DDIAS: variants seen among roughly 807,000 people sequenced by gnomAD.
The protein encoded by DDIAS is DNA damage-induced apoptosis suppressor protein.
Under a neutral mutation model 15.7 loss-of-function variants are expected in DDIAS, and 14 were observed. The observed-to-expected ratio is 0.89, with a 90% CI of 0.59 to 1.39. The LOEUF is 1.39. Among genes scored for constraint, DDIAS ranks in the 40% most tolerant of loss-of-function variants. The pLI, the probability that DDIAS is intolerant of heterozygous loss-of-function variation, is 0.00. For missense variants in DDIAS, 1,035 were observed against 1,130.9 expected, an observed-to-expected ratio of 0.92 and a Z score of 1.22; for synonymous variants, 355 against 395.9, an observed-to-expected ratio of 0.90 and a Z score of 1.23.
At position 82,932,377 on chromosome 11, in the gene DDIAS, C is replaced by T. The variant is rs1474343420; in HGVS notation, c.1039C>T (p.Pro347Ser). 3 of 1,613,934 alleles carry T rather than the reference C, an allele frequency of 1.9e-6. No homozygotes were observed. In the South Asian group the frequency reaches 3.3e-5, roughly 18 times the overall value. ...SNLFSLEMRE[P>S]LESSNTKSFH... ...TTTATTCTCTTTGGAAATGCGAGAGCCCCTTGAGTCAAGTAATACAAAATC... is the reference window on the plus strand; with the variant it reads ...TTTATTCTCTTTGGAAATGCGAGAGTCCCTTGAGTCAAGTAATACAAAATC... Residue 347 changes from proline to serine, a missense_variant, in exon 6 of 6, where the codon CCC (proline) becomes TCC (serine). Transcript: ENST00000533655.
chr11:82,921,432 T>TTTTTTGTTTTTGCTTTTTAAATTG (rs1369933298), intron 3 of DDIAS, among the ~76,000 whole-genome samples: 1 of 152,108 alleles, frequency 6.6e-6, no homozygotes, highest in African/African-American at 2.4e-5. Context: ...GTACCTTGTT[T>TTTTTTGTTTTTGCTTTTTAAATTG]TTTTTGTTTT....
chr11:82,919,319 T>A (rs1208774446), intron 3 of DDIAS, among the ~76,000 whole-genome samples: 3 of 152,234 alleles, frequency 2.0e-5, no homozygotes, highest in African/African-American at 7.2e-5. Flanking sequence ...ATGCTGGATT[T>A]TGTTGAATGT....
Position 82,932,055 on chromosome 11 carries a change from G to A in DDIAS, c.717G>A (p.Trp239Ter), listed in dbSNP as rs1860999981. 6.2e-7 allele frequency: 1 copy of A among 1,613,808 alleles called. No homozygotes were observed. The highest frequency in any genetic ancestry group is 8.5e-7 in the Non-Finnish European group (1 of 1,179,966). ...GCAAGGATACTTTTTCAAAATTCTG[G>A]CAGCCATCACTTGAATTCACTTGCA... ...SCSKDTFSKF[W>*]QPSLEFTCIV... The change falls in exon 6 of 6, where the codon TGG (tryptophan) becomes TGA (stop). Residue 239 changes from tryptophan (W) to a stop codon, truncating the protein, a stop_gained. Coordinates refer to ENST00000533655, the MANE Select transcript of DDIAS (RefSeq NM_145018.4). LOFTEE classifies it low-confidence loss of function (END_TRUNC).
rs1405965570 is a variant in DDIAS at position 82,932,402 on chromosome 11, C to T, written c.1064C>T (p.Ser355Phe). The T allele has an allele frequency of 1.2e-6, 2 of 1,613,992 alleles. No individual in the cohort carries two copies. The highest frequency in any genetic ancestry group is 2.7e-5 in the African/African-American group (2 of 74,920). ...CCCCTTGAGTCAAGTAATACAAAAT[C>T]CTTCCACAGTGCAGTGGAAATTAAA... ...REPLESSNTK[S>F]FHSAVEIKNR... is the part of the protein sequence containing the mutation. Residue 355 changes from serine to phenylalanine, a missense_variant, in exon 6 of 6, where the codon TCC (serine) becomes TTC (phenylalanine). Transcript: ENST00000533655.
At chr11:82,907,348 C>T (rs1191142415) in intron 1 of DDIAS, among the ~76,000 whole-genome samples, 1 of 152,000 alleles carries the variant, frequency 6.6e-6, no homozygotes, top group Admixed American at 6.6e-5. Context: ...ATAGACAAAA[C>T]AAATGGTAGG....
At chr11:82,915,214 A>G (rs986838019) in intron 3 of DDIAS, among the ~76,000 whole-genome samples, 1 of 152,202 alleles carries the variant, frequency 6.6e-6, no homozygotes, top group Non-Finnish European at 1.5e-5. Context: ...AGTTGTTAAT[A>G]TAAATAAATA....
intron 1 of DDIAS, among the ~76,000 whole-genome samples, chr11:82,905,557 C>T (rs2121311336): frequency 6.6e-6 from 1 of 152,300 alleles, no homozygotes; most frequent in East Asian, 1.9e-4. Flanking sequence ...CTATCCTCTT[C>T]TCTTTCCCCA....
chr11:82,930,323 TAATG>T, intron 5 of DDIAS, 49 bp downstream of exon 5: 1 of 1,279,484 alleles, frequency 7.8e-7, no homozygotes, highest in South Asian at 1.3e-5. Context: ...ATTTCCATTG[TAATG>T]AATTATGTGA....
intron 1 of DDIAS, among the ~76,000 whole-genome samples, chr11:82,910,606 CTTTT>C (rs869173859): frequency 1.7e-3 from 155 of 89,094 alleles, no homozygotes; most frequent in Non-Finnish European, 2.4e-3. Flanking sequence ...CTCTCTCTCT[CTTTT>C]TTTTTTTTTT....
At chr11:82,902,881 G>A (rs978204741) in intron 1 of DDIAS, among the ~76,000 whole-genome samples, 3 of 152,216 alleles carry the variant, frequency 2.0e-5, no homozygotes, top group Admixed American at 6.5e-5. Context: ...GATGAACAAG[G>A]TAGATTCCTG....
chr11:82,925,380 T>C (rs1860838048), intron 3 of DDIAS, among the ~76,000 whole-genome samples: 1 of 152,014 alleles, frequency 6.6e-6, no homozygotes, highest in African/African-American at 2.4e-5. Flanking sequence ...GAGAATCACT[T>C]AAGCCTAAGA....
At chr11:82,931,648 T>C (rs966401489) in intron 5 of DDIAS, 84 bp from the exon 6 acceptor site, 1 of 1,268,434 alleles carries the variant, frequency 7.9e-7, no homozygotes, top group African/African-American at 1.5e-5. Flanking sequence ...CATGAGCCAC[T>C]GTGCCTGGCT....
In DDIAS at chr11:82,929,515, A is replaced by G. The variant is rs186944965; in HGVS notation, c.275+577A>G. Among the ~76,000 whole-genome samples, 135 of 152,192 alleles carry G rather than the reference A, an allele frequency of 8.9e-4. 2 individuals carry two copies. Among genetic ancestry groups the G allele is most frequent in the African/African-American group, 3.1e-3 (128 of 41,548 alleles). On this transcript the variant is annotated intron_variant, in intron 4 of 5. Transcript: ENST00000533655. ...TCAGGAGATGGAGACCATCCTGGCT[A>G]ACACGGTGAAACCCCATCTCTACTA...
chr11:82,902,943 A>C (rs1860350446), intron 1 of DDIAS, among the ~76,000 whole-genome samples: 1 of 152,228 alleles, frequency 6.6e-6, no homozygotes, highest in Non-Finnish European at 1.5e-5. Flanking sequence ...TTTACAAGGA[A>C]ACTATGTGAA....
intron 2 of DDIAS, chr11:82,913,902 T>G: frequency 2.3e-6 from 1 of 438,772 alleles, no homozygotes; most frequent in South Asian, 1.6e-5. Context: ...TATATACATC[T>G]TATACACATA....
intron 2 of DDIAS, chr11:82,913,734 T>G (rs1455286215): frequency 2.3e-6 from 1 of 443,082 alleles, no homozygotes. Context: ...TTTAGGTTCT[T>G]TAAAAGATTC....
chr11:82,910,650 C>T (rs1375999069), intron 1 of DDIAS, among the ~76,000 whole-genome samples: 2 of 127,890 alleles, frequency 1.6e-5, no homozygotes, highest in Non-Finnish European at 3.2e-5. Flanking sequence ...AAGTCTCACT[C>T]TTTCACCCAG....
chr11:82,932,488 C>T lies in DDIAS; in HGVS notation c.1150C>T (p.Leu384Phe). 1 of 1,614,180 alleles carries T rather than the reference C, an allele frequency of 6.2e-7. No homozygotes were observed. The highest frequency in any genetic ancestry group is 8.5e-7 in the Non-Finnish European group (1 of 1,180,030). Residue 384 changes from leucine to phenylalanine, a missense_variant, in exon 6 of 6, where the codon CTT becomes TTT. By Grantham distance (22) the Leu-to-Phe change is conservative (BLOSUM62 0). Transcript: ENST00000533655. Reference sequence around the variant, plus strand: ...TCATGGTATAGATACCCCAACTAGCCTTCAGAAGAGATCTGCATGTTGTCC... The same window carrying T: ...TCATGGTATAGATACCCCAACTAGCTTTCAGAAGAGATCTGCATGTTGTCC... ...QHHGIDTPTS[L>F]QKRSACCPPS...
Position 82,932,120 on chromosome 11 carries a change from C to T in DDIAS, c.782C>T (p.Ser261Leu), listed in dbSNP as rs1861002892. ...ACAGATAATGATGATTTTTCAGCTT[C>T]AGAACAAAGTAAGGCCTTTGGTACT... ...QLTDNDDFSA[S>L]EQSKAFGTLQ... Residue 261 changes from serine (S) to leucine (L), a missense_variant, in exon 6 of 6, where the codon TCA becomes TTA. By Grantham distance (145) the Ser-to-Leu change is moderately radical. Transcript: ENST00000533655. 1 of 1,614,166 alleles carries T rather than the reference C, an allele frequency of 6.2e-7. No individual in the cohort carries two copies. The highest frequency in any genetic ancestry group is 8.5e-7 in the Non-Finnish European group (1 of 1,180,026).
Sources: gnomAD v4.1 joint callset for allele counts (sites outside exome capture counted in the v4.1 genomes callset) on GRCh38, gnomAD v4.1.1 for gene constraint, MANE v1.5 for transcripts, NCBI Gene and HGNC (gene_info 2026-07-23, HGNC 2026-07-21) for gene names.